The following POU2F2 variants were observed in gnomAD, a reference collection of about 807,000 sequenced individuals.
POU2F2 encodes the protein POU domain, class 2, transcription factor 2.
Under a neutral mutation model 63.5 loss-of-function variants are expected in POU2F2, and 14 were observed. The ratio of observed to expected loss-of-function variants is 0.22; its 90% CI spans 0.15 to 0.34. POU2F2 has a LOEUF of 0.34. POU2F2 is among the 10% of genes least tolerant of loss of function. The pLI, the probability that POU2F2 is intolerant of heterozygous loss-of-function variation, is 1.00. For missense variants in POU2F2, 607 were observed against 815.2 expected (o/e 0.74, Z 3.11); for synonymous variants, 306 against 348.6 (o/e 0.88, Z 1.36).
chr19:42,168,879 G>T (rs1040679907), intron 1 of POU2F2, among the ~76,000 whole-genome samples: 2 of 152,118 alleles, frequency 1.3e-5, no homozygotes, highest in African/African-American at 4.8e-5. Context: ...TCTAAACCAG[G>T]TTCTTCCGTG....
chr19:42,132,391 C>G lies in POU2F2; in HGVS notation c.21G>C (p.Gly7=), dbSNP rs201035439. The change falls in exon 1 of 15, where the codon GGG becomes GGC. Residue 7 remains glycine, a synonymous_variant. Coordinates refer to ENST00000692977, the MANE Select transcript of POU2F2 (RefSeq NM_001394376.1). ...AGGCACCAGCCCCCTTACCTGGAGC[C>G]CCCATGCTGGAGTGAACCATGCTGC... MVHSSM[G]APEIRMSKPL... 4 of 1,569,622 alleles carry G rather than the reference C, an allele frequency of 2.5e-6. No homozygotes were observed. The African/African-American group carries it at 5.6e-5, about 22-fold the overall frequency.
chr19:42,117,382 G>A lies in POU2F2; in HGVS notation c.237C>T (p.Cys79=). 2.7e-6 allele frequency: 4 copies of A among 1,504,990 alleles called. No homozygotes were observed. The highest frequency in any genetic ancestry group is 2.7e-6 in the Non-Finnish European group (3 of 1,123,138). The allele number at this position is 1,504,990 out of a possible 1,614,324, so 93.2% of individuals were successfully genotyped here. A position where few individuals can be genotyped will look rare whatever the true frequency, so the allele number is the denominator to read the frequency against. The stretch of plus-strand genomic sequence containing the variant: ...CAGCCTTGATCTGGGGGGGAGAGAG[G>A]CAGGGTCCGGGACCCCAGAATGTTA... ...LHLTFWGPGP[C]LSPPQIKAED... The change falls in exon 5 of 15, where the codon TGC becomes TGT. Residue 79 remains cysteine, a synonymous_variant. Coordinates refer to ENST00000692977, the MANE Select transcript of POU2F2 (RefSeq NM_001394376.1). The surrounding 1 kb of genome is among the most constrained non-coding windows in gnomAD (Gnocchi z 4.4).
At position 42,170,147 on chromosome 19, in the gene POU2F2, T is replaced by C. The variant is rs183945564; in HGVS notation, c.-70+5816A>G. Among the ~76,000 whole-genome samples the C allele has an allele frequency of 1.2e-3, 187 of 152,254 alleles. 1 individual carries two copies. Among genetic ancestry groups the C allele is most frequent in the African/African-American group, 4.4e-3 (183 of 41,516 alleles). On this transcript the variant is annotated intron_variant, in intron 1 of 6. Transcript: ENST00000524801. ...CCAGCCAGGCTCAGCATGGGTTGTG[T>C]GACCCCCCTCCAGAGGTCTGATGAG...
chr19:42,132,416 C>A lies in POU2F2; in HGVS notation c.-5G>T. On this transcript the variant is annotated 5_prime_UTR_variant, in exon 1 of 15. Transcript: ENST00000692977. ...CCCCATGCTGGAGTGAACCATGCTG[C>A]CCGCCCCGCCAGGGCTGGGGGAACA... The A allele has an allele frequency of 6.6e-7, 1 of 1,506,420 alleles. No homozygotes were observed. The highest frequency in any genetic ancestry group is 8.8e-7 in the Non-Finnish European group (1 of 1,130,440). 93.3% of individuals were successfully genotyped at this position (1,506,420 alleles called of 1,614,324 possible).
At chr19:42,183,996 T>C (rs1274618615) in intron 1 of POU2F2, among the ~76,000 whole-genome samples, 1 of 103,174 alleles carries the variant, frequency 9.7e-6, no homozygotes, top group South Asian at 3.7e-4. Context: ...CGACTGGGGA[T>C]TTTTTTTTTT....
chr19:42,101,536 C>T (rs2077142753), intron 5 of POU2F2, among the ~76,000 whole-genome samples: 1 of 152,182 alleles, frequency 6.6e-6, no homozygotes. Flanking sequence ...TCACAGCCCT[C>T]AGAAGGGACA....
intron 5 of POU2F2, among the ~76,000 whole-genome samples, chr19:42,114,214 A>C (rs922880514): frequency 6.6e-6 from 1 of 151,974 alleles, no homozygotes; most frequent in Non-Finnish European, 1.5e-5. Flanking sequence ...CATAGGCAAG[A>C]ATGTCTGCTG....
chr19:42,118,877 G>A (rs1249536730), intron 4 of POU2F2, among the ~76,000 whole-genome samples: 4 of 152,216 alleles, frequency 2.6e-5, no homozygotes, highest in African/African-American at 9.6e-5. Flanking sequence ...GACACAGTGT[G>A]TTGGCAGGGG....
In POU2F2 at chr19:42,124,854, A is replaced by T. The variant is rs548531697; in HGVS notation, c.29-2278T>A. ...GATTCCAATTACAGGAAATTCAAAA[A>T]CGGGCAAGCTGATAGCAGATGATCA... On this transcript the variant is annotated intron_variant, in intron 1 of 14. Transcript: ENST00000692977. Among the ~76,000 whole-genome samples, 7 of 152,320 alleles carry T rather than the reference A, an allele frequency of 4.6e-5. No individual in the cohort carries two copies. In the East Asian group the frequency reaches 1.2e-3, roughly 25 times the overall value.
At chr19:42,195,391 G>A (rs1183964085) in intron 1 of POU2F2, among the ~76,000 whole-genome samples, 4 of 139,374 alleles carry the variant, frequency 2.9e-5, no homozygotes, top group Non-Finnish European at 6.1e-5. Context: ...GGAGTGCAGT[G>A]GCGCAATCTC....
intron 2 of POU2F2, among the ~76,000 whole-genome samples, chr19:42,141,470 A>C (rs956329544): frequency 2.1e-5 from 3 of 144,934 alleles, no homozygotes; most frequent in African/African-American, 7.7e-5. Flanking sequence ...GAACTTAATT[A>C]ATCTTTTTTT....
In POU2F2 at chr19:42,096,384, G is replaced by T; in HGVS notation, c.568-141C>A. The stretch of plus-strand genomic sequence containing the variant: ...AGACTCCCCCCGCCTTCCTCCACAA[G>T]CACCGTCAATCCCTTTAAAGGTCCC... On this transcript the variant is annotated intron_variant, in intron 7 of 14. Transcript: ENST00000692977. This position sits in a 1 kb window ranked among gnomAD's most constrained non-coding sequence, Gnocchi z 4.1. 1.1e-6 allele frequency: 1 copy of T among 880,560 alleles called. No homozygotes were observed. The highest frequency in any genetic ancestry group is 1.7e-6 in the Non-Finnish European group (1 of 592,300). The allele number at this position is 880,560 out of a possible 1,614,324, so 54.5% of individuals were successfully genotyped here. A position where few individuals can be genotyped will look rare whatever the true frequency, so the allele number is the denominator to read the frequency against.
rs780743211 is a variant in POU2F2, at chr19:42,117,331, T to C, written c.288A>G (p.Pro96=). 54 of 1,526,454 alleles carry C rather than the reference T, an allele frequency of 3.5e-5. 2 individuals carry two copies. In the Middle Eastern group the frequency reaches 7.1e-4, roughly 20 times the overall value. 94.6% of individuals were successfully genotyped at this position (1,526,454 alleles called of 1,614,324 possible). A position where few individuals can be genotyped will look rare whatever the true frequency, so the allele number is the denominator to read the frequency against. ...CCGGCTGAGGGGGCAGGGGTGCTGC[T>C]GGGGCTGAATCGCCACTGGGGTCTT... ...KAEDPSGDSA[P]AAPLPPQPAQ... Residue 96 remains proline (P), a synonymous_variant, in exon 5 of 15, where the codon CCA becomes CCG. Coordinates refer to ENST00000692977, the MANE Select transcript of POU2F2 (RefSeq NM_001394376.1). This position sits in a 1 kb window ranked among gnomAD's most constrained non-coding sequence, Gnocchi z 4.4.
rs1022188284 is a variant in POU2F2, at chr19:42,153,569, G to A, written c.-9+6763C>T. ...TCTGTGCCTGTGCCTGTGGGCAGCTGCGTGTGCTTCAGGGATCTGCGCGGT... is the reference window on the plus strand; with the variant it reads ...TCTGTGCCTGTGCCTGTGGGCAGCTACGTGTGCTTCAGGGATCTGCGCGGT... On this transcript the variant is annotated intron_variant, in intron 2 of 6. Coordinates refer to the POU2F2 transcript ENST00000524801. The surrounding 1 kb of genome is among the most constrained non-coding windows in gnomAD (Gnocchi z 5.6). 3.3e-5 allele frequency among the ~76,000 whole-genome samples: 5 copies of A among 151,502 alleles called. No homozygotes were observed. The highest frequency in any genetic ancestry group is 1.2e-4 in the African/African-American group (5 of 41,166).
At chr19:42,197,160 G>A (rs2035159755), upstream of POU2F2, among the ~76,000 whole-genome samples, 1 of 152,216 alleles carries the variant, frequency 6.6e-6, no homozygotes, top group African/African-American at 2.4e-5. Flanking sequence ...GTCAGGGCAA[G>A]GGAGTGGAAT....
At chr19:42,124,174 C>T (rs980883751) in intron 1 of POU2F2, among the ~76,000 whole-genome samples, 12 of 151,760 alleles carry the variant, frequency 7.9e-5, no homozygotes, top group Admixed American at 6.6e-4. Context: ...CATGATGGCA[C>T]GCACCTGTAG....
intron 7 of POU2F2, among the ~76,000 whole-genome samples, chr19:42,098,412 C>CAAAA (rs1218709430): frequency 7.1e-5 from 4 of 56,318 alleles, no homozygotes; most frequent in Admixed American, 2.0e-4. Context: ...GACTCCATCT[C>CAAAA]AAAAAAAAAA....
At chr19:42,143,721 G>A (rs944401669) in intron 2 of POU2F2, among the ~76,000 whole-genome samples, 5 of 151,804 alleles carry the variant, frequency 3.3e-5, no homozygotes, top group African/African-American at 7.3e-5. Context: ...TGCAATCCAC[G>A]CCCGCGCTTC....
chr19:42,171,467 T>TGTGC (rs1470257565), intron 1 of POU2F2, among the ~76,000 whole-genome samples: 2 of 149,856 alleles, frequency 1.3e-5, no homozygotes, highest in Non-Finnish European at 3.0e-5. Context: ...TGTGTGTGTG[T>TGTGC]GTGCACTTTA....
Sources: gnomAD v4.1 joint callset for allele counts (sites outside exome capture counted in the v4.1 genomes callset) on GRCh38, gnomAD v4.1.1 for gene constraint, Gnocchi (gnomAD v3.1) non-coding constraint, MANE v1.5 for transcripts, NCBI Gene and HGNC (gene_info 2026-07-23, HGNC 2026-07-21) for gene names.